NPR1: variants seen among roughly 807,000 people sequenced by gnomAD.
The protein encoded by NPR1 is atrial natriuretic peptide receptor 1.
A neutral mutation model predicts 116.9 loss-of-function variants in NPR1; 57 were observed. That is an observed-to-expected ratio of 0.49 (90% CI 0.39 to 0.61). The LOEUF is 0.61. NPR1 is among the 20% of genes least tolerant of loss of function. NPR1 has a pLI of 0.00. For missense variants in NPR1, 1,096 were observed against 1,409.8 expected (o/e 0.78, Z 3.56); for synonymous variants, 555 against 601.6 (o/e 0.92, Z 1.13).
intron 20 of NPR1, among the ~76,000 whole-genome samples, chr1:153,690,961 A>C (rs975551110): frequency 6.6e-6 from 1 of 150,572 alleles, no homozygotes; most frequent in African/African-American, 2.4e-5. Flanking sequence ...AAAAAAAAAA[A>C]AAAAAAAAGA....
intron 7 of NPR1, 21 bp downstream of exon 7, chr1:153,683,845 T>G (rs776459760): frequency 6.2e-7 from 1 of 1,607,394 alleles, no homozygotes; most frequent in African/African-American, 1.3e-5. Flanking sequence ...ATGTGGGGGG[T>G]TGAGTGAGGC....
chr1:153,692,488 C>T (rs1434256944), intron 20 of NPR1, among the ~76,000 whole-genome samples: 4 of 149,154 alleles, frequency 2.7e-5, no homozygotes, highest in East Asian at 2.0e-4. Context: ...GGAAATGTGA[C>T]GGGTGCAACT....
intron 3 of NPR1, 200 bp downstream of exon 3, chr1:153,681,493 C>T (rs899222714): frequency 2.6e-5 from 17 of 642,682 alleles, no homozygotes; most frequent in African/African-American, 7.3e-5. Context: ...AATATGGAGA[C>T]GATACATCCT....
At position 153,685,008 on chromosome 1, in the gene NPR1, T is replaced by C. The variant is rs753840389; in HGVS notation, c.1529T>C (p.Val510Ala). Reference sequence around the variant, plus strand: ...GAACTGGCCTCGGAGCTGTGGCGGGTGCGCTGGGAGGACGTTGAGCCCAGT... The same window carrying C: ...GAACTGGCCTCGGAGCTGTGGCGGGCGCGCTGGGAGGACGTTGAGCCCAGT... ...EKELASELWR[V>A]RWEDVEPSSL... Residue 510 changes from valine to alanine, a missense_variant, in exon 8 of 22, where the codon GTG becomes GCG. By Grantham distance (64) the Val-to-Ala change is moderately conservative. Coordinates refer to ENST00000368680, the MANE Select transcript of NPR1 (RefSeq NM_000906.4). 2.5e-6 allele frequency: 4 copies of C among 1,604,796 alleles called. No individual in the cohort carries two copies. Among genetic ancestry groups the C allele is most frequent in the Non-Finnish European group, 3.4e-6 (4 of 1,177,048 alleles).
At chr1:153,692,976 C>A in intron 20 of NPR1, 130 bp from the exon 21 acceptor site, 1 of 726,172 alleles carries the variant, frequency 1.4e-6, no homozygotes, top group Non-Finnish European at 2.3e-6. Context: ...AGAGGGCTTC[C>A]TGGCCCAAAA....
In NPR1 at chr1:153,686,162, A is replaced by G; in HGVS notation, c.1720A>G (p.Ile574Val). Residue 574 changes from isoleucine (I) to valine (V), a missense_variant, in exon 10 of 22, where the codon ATT becomes GTT. Transcript: ENST00000368680. ...VAVKRVNRKR[I>V]ELTRKVLFEL... ...TGTGAAACGTGTGAACCGTAAACGCATTGAGCTGACACGAAAAGTCCTGTT... is the reference window on the plus strand; with the variant it reads ...TGTGAAACGTGTGAACCGTAAACGCGTTGAGCTGACACGAAAAGTCCTGTT... 6.2e-7 allele frequency: 1 copy of G among 1,614,152 alleles called. No homozygotes were observed. The highest frequency in any genetic ancestry group is 8.5e-7 in the Non-Finnish European group (1 of 1,180,032).
intron 6 of NPR1, 40 bp from the exon 7 acceptor site, chr1:153,683,700 C>T: frequency 6.2e-7 from 1 of 1,603,356 alleles, no homozygotes; most frequent in African/African-American, 1.3e-5. Flanking sequence ...TGCTGTCTAA[C>T]CCAAATCTCT....
At position 153,680,649 on chromosome 1, in the gene NPR1, G is replaced by C; in HGVS notation, c.870G>C (p.Arg290Ser). The C allele has an allele frequency of 6.2e-7, 1 of 1,614,150 alleles. No individual in the cohort carries two copies. The highest frequency in any genetic ancestry group is 8.5e-7 in the Non-Finnish European group (1 of 1,180,018). The change falls in exon 2 of 22, where the codon AGG becomes AGC. Residue 290 changes from arginine (R) to serine (S), a missense_variant. Transcript: ENST00000368680. ...LQGGQGPAPR[R>S]PWERGDGQDV... The stretch of plus-strand genomic sequence containing the variant: ...GTGGACAGGGCCCTGCTCCCCGCAG[G>C]CCCTGGGAGAGAGGGGATGGGCAGG...
chr1:153,679,693 C>T lies in NPR1; in HGVS notation c.585C>T (p.His195=). The change falls in exon 1 of 22, where the codon CAC becomes CAT. Residue 195 remains histidine, a synonymous_variant. Transcript: ENST00000368680. The surrounding 1 kb of genome is among the most constrained non-coding windows in gnomAD (Gnocchi z 4.2). ...LYAYRPGDEE[H]CFFLVEGLFM... ...CCTACCGGCCGGGTGACGAAGAGCA[C>T]TGCTTCTTCCTCGTGGAGGGGCTGT... 6.2e-7 allele frequency: 1 copy of T among 1,609,632 alleles called. No homozygotes were observed. Among genetic ancestry groups the T allele is most frequent in the Non-Finnish European group, 8.5e-7 (1 of 1,179,316 alleles).
chr1:153,693,000 T>TACCTGTCC, intron 20 of NPR1, 106 bp from the exon 21 acceptor site: 1 of 890,852 alleles, frequency 1.1e-6, no homozygotes, highest in East Asian at 2.5e-5. Context: ...GGAGAGAGGG[T>TACCTGTCC]ACCTGTCCAC....
Position 153,679,250 on chromosome 1 carries a change from T to C in NPR1, c.142T>C (p.Tyr48His). 1 of 1,528,738 alleles carries C rather than the reference T, an allele frequency of 6.5e-7. No individual in the cohort carries two copies. The highest frequency in any genetic ancestry group is 8.8e-7 in the Non-Finnish European group (1 of 1,142,616). 94.7% of individuals were successfully genotyped at this position (1,528,738 alleles called of 1,614,324 possible). A position where few individuals can be genotyped will look rare whatever the true frequency, so the allele number is the denominator to read the frequency against. Residue 48 changes from tyrosine to histidine, a missense_variant, in exon 1 of 22, where the codon TAC becomes CAC. Tyr to His is a moderately conservative substitution (Grantham distance 83, BLOSUM62 2). Transcript: ENST00000368680. The surrounding 1 kb of genome is among the most constrained non-coding windows in gnomAD (Gnocchi z 4.2). The part of the protein sequence containing the change: ...AVVLPLANTS[Y>H]PWSWARVGPA... ...GGTACTGCCGCTGGCCAATACCTCG[T>C]ACCCCTGGTCGTGGGCGCGCGTGGG...
At chr1:153,685,303 T>C (rs1669897876) in intron 8 of NPR1, among the ~76,000 whole-genome samples, 1 of 150,626 alleles carries the variant, frequency 6.6e-6, no homozygotes, top group Non-Finnish European at 1.5e-5. Context: ...TCAGAGGAGA[T>C]AGTACCTGTG....
intron 9 of NPR1, 107 bp from the exon 10 acceptor site, chr1:153,686,016 G>A (rs1669918369): frequency 4.3e-6 from 6 of 1,407,246 alleles, no homozygotes; most frequent in Admixed American, 1.8e-5. Flanking sequence ...TGGGCTATTG[G>A]GAACAAGTGA....
Position 153,678,790 on chromosome 1 carries a change from CCTTT to C in NPR1, c.-316_-313del. ...TTCTTCACGAAGCGCTCACTCGCAC[CCTTT>C]CTCTCTCTCTCTCTCTCTCTCTAAC... On this transcript the variant is annotated 5_prime_UTR_variant, in exon 1 of 22. Transcript: ENST00000368680. This position sits in a 1 kb window ranked among gnomAD's most constrained non-coding sequence, Gnocchi z 5.8. The C allele has an allele frequency of 2.9e-6, 1 of 346,840 alleles. No individual in the cohort carries two copies. Among genetic ancestry groups the C allele is most frequent in the Non-Finnish European group, 5.0e-6 (1 of 198,760 alleles). The allele number at this position is 346,840 out of a possible 1,614,324, so 21.5% of individuals were successfully genotyped here.
In NPR1 at chr1:153,680,566, T is replaced by C. The variant is rs1468794907; in HGVS notation, c.787T>C (p.Leu263=). ...CATGCTCCTGGCCCTGGAAGCTGGC[T>C]TGTGTGGGGAGGACTACGTTTTCTT... ...TLMLLALEAG[L]CGEDYVFFHL... Residue 263 remains leucine, a synonymous_variant, in exon 2 of 22, where the codon TTG becomes CTG. Transcript: ENST00000368680. 7.4e-6 allele frequency: 12 copies of C among 1,614,160 alleles called. No individual in the cohort carries two copies. The highest frequency in any genetic ancestry group is 6.6e-5 in the South Asian group (6 of 91,082).
At chr1:153,687,607 C>A (rs376249725) in intron 13 of NPR1, 27 bp from the exon 14 acceptor site, 3 of 1,552,048 alleles carry the variant, frequency 1.9e-6, no homozygotes, top group African/African-American at 1.4e-5. Context: ...CTCCCTCACT[C>A]GGTGACTACC....
intron 9 of NPR1, 116 bp downstream of exon 9, chr1:153,685,996 G>T (rs1246164367): frequency 3.6e-6 from 5 of 1,373,248 alleles, no homozygotes; most frequent in Non-Finnish European, 5.2e-6. Flanking sequence ...GCAGATGGGG[G>T]CCCTGGGGGT....
Position 153,693,381 on chromosome 1 carries a change from C to T in NPR1, c.3153C>T (p.Leu1051=). 6.2e-7 allele frequency: 1 copy of T among 1,612,954 alleles called. No individual in the cohort carries two copies. Among genetic ancestry groups the T allele is most frequent in the Non-Finnish European group, 8.5e-7 (1 of 1,179,466 alleles). The part of the protein sequence containing the change: ...KGKGKVRTYW[L]LGERGSSTRG ...AAGGCAAGGTTCGGACCTACTGGCT[C>T]CTTGGGGAGAGGGGGAGTAGCACCC... The change falls in exon 22 of 22, where the codon CTC becomes CTT. Residue 1051 remains leucine (L), a synonymous_variant. Transcript: ENST00000368680.
Position 153,683,810 on chromosome 1 carries a change from C to T in NPR1, c.1470C>T (p.Ser490=), listed in dbSNP as rs1188874707. ...CCTTGCTCGGCATTCTGATTGTCTCCTTCTTCATATACAGGTGAGCTGTGA... is the reference window on the plus strand; with the variant it reads ...CCTTGCTCGGCATTCTGATTGTCTCTTTCTTCATATACAGGTGAGCTGTGA... ...SLSLLGILIV[S]FFIYRKMQLE... Residue 490 remains serine, a synonymous_variant, in exon 7 of 22, where the codon TCC becomes TCT. Coordinates refer to ENST00000368680, the MANE Select transcript of NPR1 (RefSeq NM_000906.4). 3 of 1,613,838 alleles carry T rather than the reference C, an allele frequency of 1.9e-6. No homozygotes were observed. Among genetic ancestry groups the T allele is most frequent in the Non-Finnish European group, 1.7e-6 (2 of 1,179,966 alleles).
Sources: gnomAD v4.1 joint callset for allele counts (sites outside exome capture counted in the v4.1 genomes callset) on GRCh38, gnomAD v4.1.1 for gene constraint, Gnocchi (gnomAD v3.1) non-coding constraint, MANE v1.5 for transcripts, NCBI Gene and HGNC (gene_info 2026-07-23, HGNC 2026-07-21) for gene names.